LRRC1: variants seen among roughly 807,000 people sequenced by gnomAD.
The protein encoded by LRRC1 is leucine-rich repeat-containing protein 1.
Under a neutral mutation model 69.9 loss-of-function variants are expected in LRRC1, and 28 were observed. That is an observed-to-expected ratio of 0.40 (90% confidence interval 0.30 to 0.55). LRRC1 has a LOEUF of 0.55. Ranked by LOEUF, LRRC1 falls within the 20% of genes least tolerant of loss-of-function variation. LRRC1 has a pLI of 0.47. For missense variants in LRRC1, 498 were observed against 609.0 expected (o/e 0.82, Z 1.92); for synonymous variants, 236 against 240.2 (o/e 0.98, Z 0.16).
intron 2 of LRRC1, among the ~76,000 whole-genome samples, chr6:53,852,430 A>G (rs1287471899): frequency 6.6e-6 from 1 of 152,176 alleles, no homozygotes; most frequent in Non-Finnish European, 1.5e-5. Flanking sequence ...TCGGCTCAAG[A>G]CAACTTCTAG....
At chr6:53,854,934 A>G (rs374977268) in intron 2 of LRRC1, among the ~76,000 whole-genome samples, 9 of 152,248 alleles carry the variant, frequency 5.9e-5, no homozygotes, top group African/African-American at 2.2e-4. Flanking sequence ...CTATAACATG[A>G]ACATCAACAG....
At chr6:53,848,535 A>G (rs913541598) in intron 2 of LRRC1, among the ~76,000 whole-genome samples, 2 of 151,908 alleles carry the variant, frequency 1.3e-5, no homozygotes, top group Non-Finnish European at 2.9e-5. Context: ...CTTTTTACCC[A>G]TTTTCTTCTT....
intron 11 of LRRC1, chr6:53,919,040 G>C (rs1437713715): frequency 6.6e-6 from 1 of 152,506 alleles, no homozygotes; most frequent in Non-Finnish European, 1.5e-5. Context: ...CCTTCCTCTT[G>C]GCCTGATTCA....
At chr6:53,879,575 C>T (rs773472460) in intron 3 of LRRC1, among the ~76,000 whole-genome samples, 1 of 152,088 alleles carries the variant, frequency 6.6e-6, no homozygotes, top group Non-Finnish European at 1.5e-5. Context: ...GGAGCCACCT[C>T]GCCCAGCCAT....
intron 1 of LRRC1, among the ~76,000 whole-genome samples, chr6:53,840,913 T>TGC (rs1765764253): frequency 6.9e-6 from 1 of 144,408 alleles, no homozygotes; most frequent in African/African-American, 2.5e-5. Context: ...TGTGTGTGTG[T>TGC]GTGTGTGTGT....
intron 2 of LRRC1, among the ~76,000 whole-genome samples, chr6:53,852,960 A>C (rs1361906349): frequency 6.6e-6 from 1 of 152,228 alleles, no homozygotes; most frequent in Non-Finnish European, 1.5e-5. Flanking sequence ...GGGAAGTCCA[A>C]GATCCAGGTG....
intron 1 of LRRC1, among the ~76,000 whole-genome samples, chr6:53,825,982 G>A (rs1047823569): frequency 1.3e-5 from 2 of 151,440 alleles, no homozygotes; most frequent in Admixed American, 6.6e-5. Flanking sequence ...GAGTGTCCTT[G>A]AAGATTTTTC....
At chr6:53,837,134 G>C (rs776544752) in intron 1 of LRRC1, among the ~76,000 whole-genome samples, 1 of 151,626 alleles carries the variant, frequency 6.6e-6, no homozygotes, top group Non-Finnish European at 1.5e-5. Context: ...TGGGTGTTTG[G>C]GTTTTTATAG....
intron 9 of LRRC1, among the ~76,000 whole-genome samples, chr6:53,903,557 C>CCCTTTT (rs111235577): frequency 1.3e-5 from 2 of 151,658 alleles, no homozygotes; most frequent in East Asian, 1.9e-4. Flanking sequence ...ACTCTCTTTT[C>CCCTTTT]CCTTTTCCTT....
intron 6 of LRRC1, 22 bp from the exon 7 acceptor site, chr6:53,897,263 A>G (rs1268545457): frequency 1.3e-6 from 2 of 1,531,430 alleles, no homozygotes; most frequent in African/African-American, 2.7e-5. Context: ...TGTTACCGTA[A>G]CTTTTTTTTC....
At chr6:53,881,027 C>T (rs868497376) in intron 3 of LRRC1, among the ~76,000 whole-genome samples, 2 of 152,148 alleles carry the variant, frequency 1.3e-5, no homozygotes, top group South Asian at 2.1e-4. Flanking sequence ...TTTCAGTGCT[C>T]TCTCAACTGG....
chr6:53,809,707 T>C (rs967244004), intron 1 of LRRC1, among the ~76,000 whole-genome samples: 2 of 152,246 alleles, frequency 1.3e-5, no homozygotes, highest in Non-Finnish European at 2.9e-5. Flanking sequence ...AAGCATCAGG[T>C]AACTTCTGTG....
chr6:53,869,235 G>C (rs1370597510), intron 2 of LRRC1, among the ~76,000 whole-genome samples: 1 of 152,030 alleles, frequency 6.6e-6, no homozygotes, highest in East Asian at 1.9e-4. Context: ...GAAAAAGATG[G>C]ACAGGAAAAA....
At chr6:53,864,468 ACC>A (rs777914328) in intron 2 of LRRC1, among the ~76,000 whole-genome samples, 1 of 152,004 alleles carries the variant, frequency 6.6e-6, no homozygotes. Context: ...CTGACTTCAG[ACC>A]CTCAACCGCT....
intron 9 of LRRC1, among the ~76,000 whole-genome samples, chr6:53,904,115 T>C (rs984888994): frequency 5.3e-5 from 8 of 152,252 alleles, no homozygotes; most frequent in African/African-American, 1.4e-4. Context: ...CAGCATCTTT[T>C]TCCCTTTACA....
At position 53,812,860 on chromosome 6, in the gene LRRC1, G is replaced by C. The variant is rs545886256; in HGVS notation, c.159+17445G>C. On this transcript the variant is annotated intron_variant, in intron 1 of 13. Coordinates refer to ENST00000370888, the MANE Select transcript of LRRC1 (RefSeq NM_018214.5). ...ATGGGGTGCCTTGGGGGTAGTGAGAGAAAGGAATGGGAGGGGGAGCTAATG... is the reference window on the plus strand; with the variant it reads ...ATGGGGTGCCTTGGGGGTAGTGAGACAAAGGAATGGGAGGGGGAGCTAATG... 5.9e-5 allele frequency among the ~76,000 whole-genome samples: 9 copies of C among 152,090 alleles called. No homozygotes were observed. In the East Asian group the frequency reaches 1.7e-3, roughly 29 times the overall value.
chr6:53,858,118 G>GGTT (rs1241303995), intron 2 of LRRC1, among the ~76,000 whole-genome samples: 2 of 152,200 alleles, frequency 1.3e-5, no homozygotes, highest in Non-Finnish European at 2.9e-5. Context: ...CGTTGGCCAT[G>GGTT]GTTAGGACCA....
At chr6:53,882,490 T>G (rs566004911) in intron 3 of LRRC1, among the ~76,000 whole-genome samples, 2 of 152,342 alleles carry the variant, frequency 1.3e-5, no homozygotes, top group South Asian at 4.1e-4. Flanking sequence ...TGATGAAATT[T>G]TCTCTTTAGT....
intron 7 of LRRC1, among the ~76,000 whole-genome samples, chr6:53,898,611 CAA>C (rs1767947945): frequency 1.3e-5 from 2 of 151,880 alleles, no homozygotes; most frequent in South Asian, 4.2e-4. Context: ...ATAAACACAC[CAA>C]AAAGTCTTAA....
Sources: gnomAD v4.1 joint callset for allele counts (sites outside exome capture counted in the v4.1 genomes callset) on GRCh38, gnomAD v4.1.1 for gene constraint, MANE v1.5 for transcripts, NCBI Gene and HGNC (gene_info 2026-07-23, HGNC 2026-07-21) for gene names.